Variants in FAM118B observed in about 807,000 individuals in gnomAD.
FAM118B encodes protein FAM118B.
A neutral mutation model predicts 38.5 loss-of-function variants in FAM118B; 24 were observed. The ratio of observed to expected loss-of-function variants is 0.62; its 90% CI spans 0.45 to 0.88. The LOEUF (loss-of-function observed/expected upper bound fraction) is 0.88. FAM118B is among the 40% of genes least tolerant of loss of function. FAM118B has a pLI of 0.00. For missense variants in FAM118B, 334 were observed against 420.0 expected (o/e 0.80, Z 1.79); for synonymous variants, 138 against 156.3 (o/e 0.88, Z 0.87).
chr11:126,226,983 G>A (rs979507984), intron 1 of FAM118B, among the ~76,000 whole-genome samples: 2 of 146,644 alleles, frequency 1.4e-5, no homozygotes, highest in Non-Finnish European at 3.0e-5. Flanking sequence ...CTAGCATTTT[G>A]TAGACTTAAA....
At chr11:126,221,053 G>A (rs992863383) in intron 1 of FAM118B, among the ~76,000 whole-genome samples, 2 of 152,152 alleles carry the variant, frequency 1.3e-5, no homozygotes, top group Non-Finnish European at 2.9e-5. Context: ...CAAACATGGT[G>A]GCGTGGGCCT....
Position 126,255,468 on chromosome 11 carries a change from T to C in FAM118B, c.696+1035T>C, listed in dbSNP as rs1950563590. On this transcript the variant is annotated intron_variant, in intron 6 of 8. Coordinates refer to ENST00000533050, the MANE Select transcript of FAM118B (RefSeq NM_024556.4). This position sits in a 1 kb window ranked among gnomAD's most constrained non-coding sequence, Gnocchi z 4.6. ...GTGATCCCTTAGGCAGTCATTTCTG[T>C]GTTTTTGTGTGTGTATATGTATACA... Among the ~76,000 whole-genome samples the C allele has an allele frequency of 6.6e-6, 1 of 152,180 alleles. No individual in the cohort carries two copies. The highest frequency in any genetic ancestry group is 6.5e-5 in the Admixed American group (1 of 15,276).
chr11:126,222,630 A>C (rs979247886), intron 1 of FAM118B, among the ~76,000 whole-genome samples: 4 of 152,252 alleles, frequency 2.6e-5, no homozygotes, highest in Non-Finnish European at 4.4e-5. Flanking sequence ...TGAGTGGTGG[A>C]TATCAGCACG....
chr11:126,235,406 G>A (rs1950259867), intron 3 of FAM118B, among the ~76,000 whole-genome samples: 1 of 151,878 alleles, frequency 6.6e-6, no homozygotes, highest in African/African-American at 2.4e-5. Flanking sequence ...TGGTTTTATT[G>A]ATTTCTGAGT....
chr11:126,255,622 A>G lies in FAM118B; in HGVS notation c.697-945A>G, dbSNP rs1950566276. On this transcript the variant is annotated intron_variant, in intron 6 of 8. Transcript: ENST00000533050. This position sits in a 1 kb window ranked among gnomAD's most constrained non-coding sequence, Gnocchi z 4.6. ...AAAGGCAAATATGGTCCAGAAATGG[A>G]AGGATTAAGATATATGAAGACCTAC... 6.6e-6 allele frequency among the ~76,000 whole-genome samples: 1 copy of G among 152,214 alleles called. No individual in the cohort carries two copies. Among genetic ancestry groups the G allele is most frequent in the South Asian group, 2.1e-4 (1 of 4,830 alleles).
chr11:126,236,029 C>T (rs1341028140), intron 3 of FAM118B, among the ~76,000 whole-genome samples: 9 of 152,192 alleles, frequency 5.9e-5, no homozygotes, highest in South Asian at 2.1e-4. Context: ...TGAAACACAC[C>T]GATAACTTGC....
chr11:126,246,517 G>C (rs1950420768), intron 4 of FAM118B, among the ~76,000 whole-genome samples: 1 of 152,206 alleles, frequency 6.6e-6, no homozygotes, highest in East Asian at 1.9e-4. Context: ...GAATAGGTGA[G>C]ATAATGTGTA....
chr11:126,220,055 G>A (rs563804342), intron 1 of FAM118B, among the ~76,000 whole-genome samples: 203 of 152,266 alleles, frequency 1.3e-3, no homozygotes, highest in Non-Finnish European at 2.4e-3. Context: ...GACTTATTCC[G>A]AGAGTTCCTC....
Position 126,250,214 on chromosome 11 carries a change from C to A in FAM118B, c.340-292C>A, listed in dbSNP as rs1950481454. On this transcript the variant is annotated intron_variant, in intron 4 of 8. Coordinates refer to ENST00000533050, the MANE Select transcript of FAM118B (RefSeq NM_024556.4). This position sits in a 1 kb window ranked among gnomAD's most constrained non-coding sequence, Gnocchi z 5.1. ...TCACACCATTCTCCTGCCTCAGCCT[C>A]CCAAGTAGCTGGGACTACAGGCGCC... is the stretch of plus-strand genomic sequence containing the variant. Among the ~76,000 whole-genome samples, 2 of 151,950 alleles carry A rather than the reference C, an allele frequency of 1.3e-5. No individual in the cohort carries two copies.
intron 4 of FAM118B, 151 bp downstream of exon 4, chr11:126,241,195 C>T (rs1565333874): frequency 1.1e-5 from 9 of 817,432 alleles, no homozygotes; most frequent in South Asian, 1.0e-4. Context: ...GACTCTTCTG[C>T]GCAATGTCTG....
chr11:126,235,374 A>G (rs906284084), intron 3 of FAM118B, among the ~76,000 whole-genome samples: 9 of 152,000 alleles, frequency 5.9e-5, no homozygotes, highest in African/African-American at 1.7e-4. Flanking sequence ...AATACTATAT[A>G]TATTGCTGCT....
chr11:126,256,494 C>G lies in FAM118B; in HGVS notation c.697-73C>G. 3 of 1,438,946 alleles carry G rather than the reference C, an allele frequency of 2.1e-6. No homozygotes were observed. The highest frequency in any genetic ancestry group is 2.9e-6 in the Non-Finnish European group (3 of 1,045,152). 89.1% of individuals were successfully genotyped at this position (1,438,946 alleles called of 1,614,324 possible). A position where few individuals can be genotyped will look rare whatever the true frequency, so the allele number is the denominator to read the frequency against. On this transcript the variant is annotated intron_variant, in intron 6 of 8. Coordinates refer to ENST00000533050, the MANE Select transcript of FAM118B (RefSeq NM_024556.4). This position sits in a 1 kb window ranked among gnomAD's most constrained non-coding sequence, Gnocchi z 6.6. The stretch of plus-strand genomic sequence containing the variant: ...GGTCATCACAGTCTGCTCAACGTAG[C>G]ATGACCTTCTTGTTTCAGACTTGCC...
In FAM118B at chr11:126,262,214, A is replaced by C; in HGVS notation, c.*81A>C. ...AGTGTTTAACAAGTAAACTTACAAGAACCCAACACAATTCCCAGAAAGTAA... is the reference window on the plus strand; with the variant it reads ...AGTGTTTAACAAGTAAACTTACAAGCACCCAACACAATTCCCAGAAAGTAA... On this transcript the variant is annotated 3_prime_UTR_variant, in exon 9 of 9. Coordinates refer to ENST00000533050, the MANE Select transcript of FAM118B (RefSeq NM_024556.4). 4 of 1,467,288 alleles carry C rather than the reference A, an allele frequency of 2.7e-6. No individual in the cohort carries two copies. The highest frequency in any genetic ancestry group is 3.8e-6 in the Non-Finnish European group (4 of 1,050,292). The allele number at this position is 1,467,288 out of a possible 1,614,324, so 90.9% of individuals were successfully genotyped here.
At chr11:126,251,503 T>C (rs929250382) in intron 5 of FAM118B, among the ~76,000 whole-genome samples, 4 of 152,162 alleles carry the variant, frequency 2.6e-5, no homozygotes, top group Admixed American at 6.5e-5. Flanking sequence ...TTAAAGGGAA[T>C]TGAATTTAGA....
intron 1 of FAM118B, among the ~76,000 whole-genome samples, chr11:126,227,559 C>T (rs1273670883): frequency 1.3e-5 from 2 of 151,964 alleles, no homozygotes; most frequent in Non-Finnish European, 1.5e-5. Flanking sequence ...TTTTTTGTAC[C>T]TCTTCATGTT....
At chr11:126,229,118 A>G (rs953942562) in intron 1 of FAM118B, 107 bp from the exon 2 acceptor site, 2 of 152,200 alleles carry the variant, frequency 1.3e-5, no homozygotes, top group Non-Finnish European at 2.9e-5. Flanking sequence ...TGAATAACCT[A>G]TGCCATTTAT....
intron 2 of FAM118B, among the ~76,000 whole-genome samples, chr11:126,232,924 A>G (rs1950227302): frequency 1.3e-5 from 2 of 152,190 alleles, no homozygotes; most frequent in African/African-American, 2.4e-5. Flanking sequence ...GGCTATTGTT[A>G]TAAGCAAACT....
chr11:126,228,316 C>G (rs1384703536), intron 1 of FAM118B, among the ~76,000 whole-genome samples: 1 of 151,490 alleles, frequency 6.6e-6, no homozygotes, highest in Non-Finnish European at 1.5e-5. Flanking sequence ...CTGCCTCAGC[C>G]TCCCTCCTGA....
At chr11:126,220,974 G>A (rs1950055950) in intron 1 of FAM118B, among the ~76,000 whole-genome samples, 1 of 152,204 alleles carries the variant, frequency 6.6e-6, no homozygotes, top group East Asian at 1.9e-4. Context: ...ATCGCTTGAG[G>A]CCAGGAGTTT....
Sources: allele counts gnomAD v4.1 joint callset (sites outside exome capture counted in the v4.1 genomes callset), GRCh38; gene constraint gnomAD v4.1.1; non-coding constraint Gnocchi (gnomAD v3.1); transcripts MANE v1.5; gene names NCBI Gene and HGNC (gene_info 2026-07-23, HGNC 2026-07-21).